The following SPATS1 variants were observed in gnomAD, a reference collection of about 807,000 sequenced individuals.
SPATS1 encodes the protein spermatogenesis-associated serine-rich protein 1.
SPATS1 carries 23 observed loss-of-function variants against 33.6 expected under a neutral mutation model. The ratio of observed to expected loss-of-function variants is 0.68; its 90% CI spans 0.49 to 0.97. The LOEUF (loss-of-function observed/expected upper bound fraction) is 0.97. Ranked by LOEUF, SPATS1 falls within the 50% of genes least tolerant of loss-of-function variation. The pLI, the probability that SPATS1 is intolerant of heterozygous loss-of-function variation, is 0.00. For missense variants in SPATS1, 327 were observed against 361.0 expected (o/e 0.91, Z 0.76); for synonymous variants, 131 against 125.6 (o/e 1.04, Z -0.29).
chr6:44,363,711 C>A (rs893364773), intron 5 of SPATS1, among the ~76,000 whole-genome samples: 1 of 148,370 alleles, frequency 6.7e-6, no homozygotes, highest in African/African-American at 2.5e-5. Flanking sequence ...TCCCTCCTTC[C>A]TTCCTTTTTC....
At chr6:44,366,630 A>G (rs903017048) in intron 5 of SPATS1, among the ~76,000 whole-genome samples, 10 of 152,160 alleles carry the variant, frequency 6.6e-5, no homozygotes, top group African/African-American at 2.4e-4. Flanking sequence ...TATGGCATTT[A>G]CTGCTTTGTA....
chr6:44,347,936 A>AT (rs1285939252), intron 2 of SPATS1, among the ~76,000 whole-genome samples: 1 of 151,700 alleles, frequency 6.6e-6, no homozygotes, highest in Non-Finnish European at 1.5e-5. Flanking sequence ...CTGGAGCTTA[A>AT]TTTCTTTATC....
chr6:44,370,185 T>A, intron 7 of SPATS1, 72 bp downstream of exon 7: 1 of 1,410,170 alleles, frequency 7.1e-7, no homozygotes, highest in Non-Finnish European at 9.9e-7. Context: ...TTTCCTTATG[T>A]GGAGGAGCAG....
intron 7 of SPATS1, 88 bp from the exon 8 acceptor site, chr6:44,376,270 C>A: frequency 2.6e-6 from 2 of 784,272 alleles, no homozygotes; most frequent in East Asian, 2.7e-5. Context: ...GGTCTTTTTA[C>A]TTTTGGAGCA....
chr6:44,367,348 C>A (rs1789311369), intron 5 of SPATS1, among the ~76,000 whole-genome samples: 1 of 152,202 alleles, frequency 6.6e-6, no homozygotes, highest in African/African-American at 2.4e-5. Flanking sequence ...TATTTTAAAC[C>A]TCCACTCTCT....
At chr6:44,358,248 A>T (rs1408840735) in intron 3 of SPATS1, among the ~76,000 whole-genome samples, 1 of 152,200 alleles carries the variant, frequency 6.6e-6, no homozygotes, top group African/African-American at 2.4e-5. Flanking sequence ...ATTGTTATGA[A>T]AAAAGATCCT....
At position 44,361,357 on chromosome 6, in the gene SPATS1, G is replaced by C. The variant is rs1021649017; in HGVS notation, c.413-474G>C. On this transcript the variant is annotated intron_variant, in intron 4 of 8. Transcript: ENST00000674044. ...GAAATTATCACAGGTCCATTTCCCG[G>C]TGTCACCGTAGCACATGCGCGTGCT... The C allele has an allele frequency of 4.1e-6, 4 of 985,274 alleles. No homozygotes were observed. The African/African-American group carries it at 7.0e-5, about 17-fold the overall frequency. The allele number at this position is 985,274 out of a possible 1,614,324, so 61.0% of individuals were successfully genotyped here. A position where few individuals can be genotyped will look rare whatever the true frequency, so the allele number is the denominator to read the frequency against.
At position 44,349,051 on chromosome 6, in the gene SPATS1, A is replaced by G. The variant is rs563035532; in HGVS notation, c.140-3675A>G. Among the ~76,000 whole-genome samples, 51 of 152,246 alleles carry G rather than the reference A, an allele frequency of 3.3e-4. 1 individual carries two copies. The South Asian group carries it at 0.011, about 32-fold the overall frequency. ...GAGGCTGAGACAGGAGAATCGCTTGAACCCAAGAGGCGGAGGTTGCAGTGA... is the reference window on the plus strand; with the variant it reads ...GAGGCTGAGACAGGAGAATCGCTTGGACCCAAGAGGCGGAGGTTGCAGTGA... On this transcript the variant is annotated intron_variant, in intron 2 of 8. Transcript: ENST00000674044.
At chr6:44,348,733 C>A (rs1158442426) in intron 2 of SPATS1, among the ~76,000 whole-genome samples, 1 of 152,176 alleles carries the variant, frequency 6.6e-6, no homozygotes, top group Admixed American at 6.5e-5. Flanking sequence ...CCTGTAATAC[C>A]AGCACTTTGG....
At chr6:44,360,605 C>T (rs569881327) in intron 4 of SPATS1, 35 bp downstream of exon 4, 1 of 1,611,154 alleles carries the variant, frequency 6.2e-7, no homozygotes, top group East Asian at 2.2e-5. Context: ...TGCTTCTGTG[C>T]CCCAGGTCTT....
intron 3 of SPATS1, 130 bp from the exon 4 acceptor site, chr6:44,360,316 T>C (rs1215151158): frequency 2.6e-6 from 3 of 1,147,442 alleles, no homozygotes; most frequent in Non-Finnish European, 3.7e-6. Flanking sequence ...ATAAATGATA[T>C]GCTCAAGGAC....
In SPATS1 at chr6:44,357,022, T is replaced by G. The variant is rs141275891; in HGVS notation, c.288-3424T>G. Reference sequence around the variant, plus strand: ...GCTTCCAGAGTTTTCTAACCACATGTGACCATGTCATGTCGTTGCTTACCA... The same window carrying G: ...GCTTCCAGAGTTTTCTAACCACATGGGACCATGTCATGTCGTTGCTTACCA... On this transcript the variant is annotated intron_variant, in intron 3 of 8. Coordinates refer to ENST00000674044, the MANE Select transcript of SPATS1 (RefSeq NM_001372081.1). 5.8e-3 allele frequency among the ~76,000 whole-genome samples: 885 copies of G among 152,304 alleles called. 4 individuals are homozygous for G. Among genetic ancestry groups the G allele is most frequent in the African/African-American group, 0.02 (819 of 41,562 alleles).
At chr6:44,360,342 G>T in intron 3 of SPATS1, 104 bp from the exon 4 acceptor site, 1 of 1,417,108 alleles carries the variant, frequency 7.1e-7, no homozygotes, top group African/African-American at 1.4e-5. Flanking sequence ...TAGAGGAGTA[G>T]TCCCAGTTCT....
chr6:44,343,993 A>AG (rs11419846), intron 2 of SPATS1, among the ~76,000 whole-genome samples: 23,285 of 152,074 alleles, frequency 0.15, 2,368 homozygotes, highest in African/African-American at 0.26. Context: ...GGGAGAAAGG[A>AG]GGGAGGTACA....
intron 5 of SPATS1, among the ~76,000 whole-genome samples, chr6:44,366,394 G>C (rs1184843449): frequency 6.6e-6 from 1 of 152,066 alleles, no homozygotes; most frequent in East Asian, 1.9e-4. Flanking sequence ...AAAGTGCTGG[G>C]ATTACAAGCA....
chr6:44,356,783 A>C (rs1788614840), intron 3 of SPATS1, among the ~76,000 whole-genome samples: 1 of 152,222 alleles, frequency 6.6e-6, no homozygotes. Context: ...TTGTAACCTA[A>C]TGTGGGAAGT....
At chr6:44,360,691 A>C in intron 4 of SPATS1, 121 bp downstream of exon 4, 16 of 1,204,456 alleles carry the variant, frequency 1.3e-5, no homozygotes, top group African/African-American at 3.0e-5. Flanking sequence ...ACTTTATCTC[A>C]AAATTCACAA....
chr6:44,375,780 C>T (rs1038103854), intron 7 of SPATS1, among the ~76,000 whole-genome samples: 10 of 148,786 alleles, frequency 6.7e-5, no homozygotes, highest in African/African-American at 2.2e-4. Context: ...CCAGCCTGGG[C>T]GACAGAGTGA....
intron 2 of SPATS1, among the ~76,000 whole-genome samples, chr6:44,347,118 G>A (rs796245980): frequency 2.0e-5 from 3 of 152,156 alleles, no homozygotes; most frequent in Non-Finnish European, 2.9e-5. Context: ...CCAAACTAAC[G>A]CAAAAATGGA....
Sources: gnomAD v4.1 joint callset for allele counts (sites outside exome capture counted in the v4.1 genomes callset) on GRCh38, gnomAD v4.1.1 for gene constraint, MANE v1.5 for transcripts, NCBI Gene and HGNC (gene_info 2026-07-23, HGNC 2026-07-21) for gene names.